The following RNLS variants were observed in gnomAD, a reference collection of about 807,000 sequenced individuals.
RNLS encodes renalase.
RNLS carries 39 observed loss-of-function variants against 39.8 expected under a neutral mutation model. The observed-to-expected ratio is 0.98, with a 90% CI of 0.76 to 1.28. The LOEUF (loss-of-function observed/expected upper bound fraction) is 1.28. Ranked by LOEUF, RNLS falls within the 50% of genes most tolerant of loss-of-function variation. The pLI is 0.00. For missense variants in RNLS, 410 were observed against 413.3 expected (o/e 0.99, Z 0.07); for synonymous variants, 147 against 150.7 (o/e 0.98, Z 0.18).
chr10:88,428,836 C>A (rs981641845), intron 4 of RNLS, among the ~76,000 whole-genome samples: 3 of 151,942 alleles, frequency 2.0e-5, no homozygotes, highest in Non-Finnish European at 4.4e-5. Flanking sequence ...TATTAATTTA[C>A]AGCAGCCTGA....
chr10:88,413,424 C>G (rs1054178569), intron 4 of RNLS, among the ~76,000 whole-genome samples: 2 of 152,182 alleles, frequency 1.3e-5, no homozygotes, highest in Admixed American at 1.3e-4. Flanking sequence ...GTGAAAATAG[C>G]AAAGGACAGC....
rs1458766703 is a variant in RNLS at position 88,581,586 on chromosome 10, C to T, written c.348G>A (p.Lys116=). The change falls in exon 3 of 7, where the codon AAG becomes AAA. Residue 116 remains lysine (K), a synonymous_variant. Transcript: ENST00000331772. ...VAPQGISSII[K]HYLKESGAEV... ...TCCCACCTGATTCTTTCAAGTAATG[C>T]TTAATAATTGAAGAAATTCCTTGAG... The T allele has an allele frequency of 6.3e-7, 1 of 1,598,066 alleles. No individual in the cohort carries two copies. Among genetic ancestry groups the T allele is most frequent in the Admixed American group, 1.7e-5 (1 of 57,182 alleles).
chr10:88,363,891 T>C (rs1849830360), intron 4 of RNLS, among the ~76,000 whole-genome samples: 1 of 152,166 alleles, frequency 6.6e-6, no homozygotes. Context: ...GAGGATTATA[T>C]GAAATAATGC....
At chr10:88,582,974 G>T (rs1648200757) in intron 1 of RNLS, 99 bp downstream of exon 1, 15 of 1,364,428 alleles carry the variant, frequency 1.1e-5, no homozygotes, top group Non-Finnish European at 1.3e-5. Context: ...TGAGGGTATA[G>T]CGTTTTCGCC....
chr10:88,416,405 C>T (rs1854031002), intron 4 of RNLS, among the ~76,000 whole-genome samples: 1 of 151,912 alleles, frequency 6.6e-6, no homozygotes, highest in South Asian at 2.1e-4. Flanking sequence ...AGGCATGTGC[C>T]AACACGCCCG....
At chr10:88,310,921 T>G (rs1204009479) in intron 6 of RNLS, among the ~76,000 whole-genome samples, 1 of 151,960 alleles carries the variant, frequency 6.6e-6, no homozygotes, top group Non-Finnish European at 1.5e-5. Context: ...GATTTCTAAT[T>G]GTACTGTACA....
chr10:88,567,971 C>T (rs540663283), intron 4 of RNLS, among the ~76,000 whole-genome samples: 10 of 152,296 alleles, frequency 6.6e-5, no homozygotes, highest in African/African-American at 2.4e-4. Context: ...TACCCACTGC[C>T]ATCCCACAGC....
chr10:88,361,097 C>T (rs1849608395), intron 5 of RNLS, among the ~76,000 whole-genome samples: 1 of 152,204 alleles, frequency 6.6e-6, no homozygotes, highest in African/African-American at 2.4e-5. Context: ...TGCCTTCTTA[C>T]TATGTCCTCA....
chr10:88,468,517 C>T (rs945557687), intron 4 of RNLS, among the ~76,000 whole-genome samples: 1 of 152,128 alleles, frequency 6.6e-6, no homozygotes, highest in Non-Finnish European at 1.5e-5. Flanking sequence ...CTACAAATAA[C>T]TGATAGGAAC....
chr10:88,504,375 A>G (rs1845670929), intron 4 of RNLS, among the ~76,000 whole-genome samples: 1 of 152,144 alleles, frequency 6.6e-6, no homozygotes. Context: ...AAGGTGCCAA[A>G]GAATGTATAA....
intron 4 of RNLS, among the ~76,000 whole-genome samples, chr10:88,383,183 T>TATCA (rs994015109): frequency 1.3e-5 from 2 of 152,124 alleles, no homozygotes; most frequent in African/African-American, 2.4e-5. Flanking sequence ...TCTACTTCTC[T>TATCA]ATCACATGGC....
the RNLS span, among the ~76,000 whole-genome samples, chr10:88,204,962 G>C: frequency 2.6e-5 from 4 of 152,268 alleles, no homozygotes; most frequent in East Asian, 3.9e-4. Context: ...AGCACACGGT[G>C]GTGAATGCTA....
At chr10:88,174,964 A>G in the RNLS span, among the ~76,000 whole-genome samples, 1 of 151,970 alleles carries the variant, frequency 6.6e-6, no homozygotes, top group Admixed American at 6.6e-5. Context: ...CAGGTATTCT[A>G]TTTCTTCCTA....
At chr10:88,533,654 C>A (rs1847570700) in intron 4 of RNLS, among the ~76,000 whole-genome samples, 2 of 152,044 alleles carry the variant, frequency 1.3e-5, no homozygotes, top group Non-Finnish European at 1.5e-5. Context: ...TAGGCAGATC[C>A]CTTAAAGGGC....
the RNLS span, among the ~76,000 whole-genome samples, chr10:88,254,675 G>A: frequency 1.3e-5 from 2 of 152,184 alleles, no homozygotes; most frequent in Non-Finnish European, 2.9e-5. Flanking sequence ...TAATGACATG[G>A]AACATTTGTG....
At position 88,285,408 on chromosome 10, in the gene RNLS, A is replaced by G; in HGVS notation, c.975T>C (p.Asp325=). The G allele has an allele frequency of 1.2e-6, 2 of 1,613,148 alleles. No homozygotes were observed. Among genetic ancestry groups the G allele is most frequent in the East Asian group, 4.5e-5 (2 of 44,816 alleles). ...GGDGFTQSNF[D]GCITSALCVL... ...CACATAGGGCAGAAGTGATGCAGCC[A>G]TCAAAGTTGGACTGAGTAAATCCAT... Residue 325 remains aspartate (D), a synonymous_variant, in exon 7 of 7, where the codon GAT becomes GAC. Coordinates refer to ENST00000331772, the MANE Select transcript of RNLS (RefSeq NM_001031709.3).
intron 4 of RNLS, among the ~76,000 whole-genome samples, chr10:88,485,296 C>T (rs1201487728): frequency 2.6e-5 from 4 of 151,428 alleles, no homozygotes; most frequent in Admixed American, 6.6e-5. Context: ...GTAGAGAGTC[C>T]GGAAATAGAC....
chr10:88,258,626 C>G, the RNLS span, among the ~76,000 whole-genome samples: 4,579 of 152,256 alleles, frequency 0.03, 102 homozygotes, highest in African/African-American at 0.055. Flanking sequence ...AACAAACATT[C>G]CTTCTTCTCT....
intron 4 of RNLS, among the ~76,000 whole-genome samples, chr10:88,494,566 T>C (rs112262310): frequency 6.6e-6 from 1 of 152,290 alleles, no homozygotes; most frequent in African/African-American, 2.4e-5. Context: ...TCAAGATTAT[T>C]CAGAAATTAT....
Sources: allele counts gnomAD v4.1 joint callset (sites outside exome capture counted in the v4.1 genomes callset), GRCh38; gene constraint gnomAD v4.1.1; transcripts MANE v1.5; gene names NCBI Gene and HGNC (gene_info 2026-07-23, HGNC 2026-07-21).